Variants in RBFOX1 observed in about 807,000 individuals in gnomAD.
RBFOX1 encodes RNA binding protein fox-1 homolog 1.
Under a neutral mutation model 57.7 loss-of-function variants are expected in RBFOX1, and 8 were observed. The ratio of observed to expected loss-of-function variants is 0.14; its 90% CI spans 0.08 to 0.25. The LOEUF (loss-of-function observed/expected upper bound fraction) is 0.25, where lower values mean the gene tolerates loss of function less well. RBFOX1 is among the 10% of genes least tolerant of loss of function. The pLI is 1.00. For missense variants in RBFOX1, 611 were observed against 548.5 expected, an observed-to-expected ratio of 1.11 and a Z score of -1.14; for synonymous variants, 326 against 222.4, an observed-to-expected ratio of 1.47 and a Z score of -4.15.
At chr16:5,636,236 T>C (rs971026668) in intron 3 of RBFOX1, among the ~76,000 whole-genome samples, 1 of 152,092 alleles carries the variant, frequency 6.6e-6, no homozygotes, top group African/African-American at 2.4e-5. Context: ...TAGTCCCAGC[T>C]ACTCTGGAGG....
chr16:5,910,375 G>A (rs1294100697), intron 4 of RBFOX1, among the ~76,000 whole-genome samples: 1 of 152,190 alleles, frequency 6.6e-6, no homozygotes, highest in Admixed American at 6.5e-5. Context: ...GAGCCTTCTT[G>A]ACTGGAAGAA....
chr16:6,878,769 C>A (rs1034551461), intron 3 of RBFOX1, among the ~76,000 whole-genome samples: 3 of 152,162 alleles, frequency 2.0e-5, no homozygotes, highest in Non-Finnish European at 4.4e-5. Flanking sequence ...CCCTGACAAT[C>A]TGCAGAAATT....
chr16:7,334,975 C>G (rs2096759648), intron 4 of RBFOX1, among the ~76,000 whole-genome samples: 1 of 152,180 alleles, frequency 6.6e-6, no homozygotes, highest in Non-Finnish European at 1.5e-5. Flanking sequence ...TATGTGTTAT[C>G]TCCTTTCTTT....
At chr16:5,340,575 G>A (rs753883738) in intron 1 of RBFOX1, among the ~76,000 whole-genome samples, 13 of 152,170 alleles carry the variant, frequency 8.5e-5, no homozygotes, top group Non-Finnish European at 1.3e-4. Context: ...TTAGTTTTTG[G>A]ATGGAACTGA....
chr16:5,290,665 C>A (rs1202498208), intron 1 of RBFOX1, among the ~76,000 whole-genome samples: 1 of 151,074 alleles, frequency 6.6e-6, no homozygotes, highest in African/African-American at 2.4e-5. Context: ...ATAGTGAAGT[C>A]CCTGAGGTTG....
chr16:7,239,117 T>A (rs528622907), intron 4 of RBFOX1, among the ~76,000 whole-genome samples: 1 of 152,316 alleles, frequency 6.6e-6, no homozygotes, highest in African/African-American at 2.4e-5. Context: ...ATGCATGTCT[T>A]TTTATTATCA....
chr16:7,209,513 A>T (rs1030250841), intron 4 of RBFOX1, among the ~76,000 whole-genome samples: 1 of 152,122 alleles, frequency 6.6e-6, no homozygotes, highest in Non-Finnish European at 1.5e-5. Flanking sequence ...AGCTTATTAC[A>T]TGGCTGGCTC....
chr16:5,856,654 G>C (rs1314084631), intron 3 of RBFOX1, among the ~76,000 whole-genome samples: 1 of 141,938 alleles, frequency 7.0e-6, no homozygotes, highest in Admixed American at 7.2e-5. Flanking sequence ...AGGACTTGCT[G>C]CTTCACCTTG....
At position 6,745,531 on chromosome 16, in the gene RBFOX1, C is replaced by T. The variant is rs544020988; in HGVS notation, c.-16+90881C>T. 3.9e-5 allele frequency among the ~76,000 whole-genome samples: 6 copies of T among 152,228 alleles called. No homozygotes were observed. In the South Asian group the frequency reaches 1.0e-3, roughly 26 times the overall value. ...CAATTTATGAAATACACCATATTAA[C>T]AACAAAATGTGAACTAACACAATTA... On this transcript the variant is annotated intron_variant, in intron 3 of 15. Transcript: ENST00000550418.
intron 3 of RBFOX1, among the ~76,000 whole-genome samples, chr16:6,911,075 C>T (rs907340412): frequency 6.6e-6 from 1 of 151,956 alleles, no homozygotes; most frequent in African/African-American, 2.4e-5. Flanking sequence ...GTGGCAGGCA[C>T]CTGTAATCCC....
intron 2 of RBFOX1, among the ~76,000 whole-genome samples, chr16:6,615,187 A>AT (rs1374927395): frequency 6.6e-6 from 1 of 152,188 alleles, no homozygotes; most frequent in Non-Finnish European, 1.5e-5. Flanking sequence ...TAGAAATGGC[A>AT]TTTTTTACTC....
chr16:6,720,249 A>T (rs1401626360), intron 3 of RBFOX1, among the ~76,000 whole-genome samples: 1 of 152,108 alleles, frequency 6.6e-6, no homozygotes, highest in Non-Finnish European at 1.5e-5. Context: ...TGTTCAAGAA[A>T]AAAAAAAGTG....
At chr16:6,232,590 T>C (rs2097472294) in intron 1 of RBFOX1, among the ~76,000 whole-genome samples, 1 of 152,214 alleles carries the variant, frequency 6.6e-6, no homozygotes, top group Non-Finnish European at 1.5e-5. Context: ...TTGACTTTCT[T>C]GTTCCAGTTG....
Position 7,528,746 on chromosome 16 carries a change from A to G in RBFOX1, c.270+10357A>G, listed in dbSNP as rs963703300. On this transcript the variant is annotated intron_variant, in intron 5 of 15. Transcript: ENST00000550418. ...AGTCAACAGTCATTTTATGCCCTTAATTCATGGTCATATAGTCTTTAGGTG... is the reference window on the plus strand; with the variant it reads ...AGTCAACAGTCATTTTATGCCCTTAGTTCATGGTCATATAGTCTTTAGGTG... Among the ~76,000 whole-genome samples the G allele has an allele frequency of 8.5e-5, 13 of 152,152 alleles. 1 individual carries two copies. The highest frequency in any genetic ancestry group is 2.0e-4 in the Admixed American group (3 of 15,282).
rs183699499 is a variant in RBFOX1, at chr16:7,179,238, C to G, written c.27+127140C>G. 6.2e-3 allele frequency among the ~76,000 whole-genome samples: 912 copies of G among 146,938 alleles called. 4 individuals carry two copies. Among genetic ancestry groups the G allele is most frequent in the South Asian group, 0.02 (92 of 4,688 alleles). Reference sequence around the variant, plus strand: ...TTAACCGGGATTTTTTTTTTTTTTCCAAAAAGAAAATACTTAAGTTATCCT... The same window carrying G: ...TTAACCGGGATTTTTTTTTTTTTTCGAAAAAGAAAATACTTAAGTTATCCT... On this transcript the variant is annotated intron_variant, in intron 4 of 15. Transcript: ENST00000550418.
intron 2 of RBFOX1, among the ~76,000 whole-genome samples, chr16:6,354,886 G>C (rs1270376462): frequency 6.6e-6 from 1 of 152,180 alleles, no homozygotes; most frequent in East Asian, 1.9e-4. Flanking sequence ...TGGGAGTCCT[G>C]AGGTTACCGT....
chr16:5,781,454 C>T (rs1298970413), intron 3 of RBFOX1, among the ~76,000 whole-genome samples: 2 of 152,136 alleles, frequency 1.3e-5, no homozygotes, highest in Admixed American at 6.5e-5. Context: ...CAGTAGTAGG[C>T]CCAGCTCAGT....
chr16:6,187,169 AG>A (rs2097110549), intron 1 of RBFOX1, among the ~76,000 whole-genome samples: 1 of 152,114 alleles, frequency 6.6e-6, no homozygotes, highest in Admixed American at 6.6e-5. Context: ...TATCATACAA[AG>A]CCCTGATGCT....
At chr16:5,653,262 A>G (rs1441789862) in intron 3 of RBFOX1, among the ~76,000 whole-genome samples, 2 of 103,782 alleles carry the variant, frequency 1.9e-5, no homozygotes, top group Non-Finnish European at 1.9e-5. Flanking sequence ...TGCTGGGCCT[A>G]TATGCGGAAG....
Sources: allele counts gnomAD v4.1 joint callset (sites outside exome capture counted in the v4.1 genomes callset), GRCh38; gene constraint gnomAD v4.1.1; transcripts MANE v1.5; gene names NCBI Gene and HGNC (gene_info 2026-07-23, HGNC 2026-07-21).